The following CDH8 variants were observed in gnomAD, a reference collection of about 807,000 sequenced individuals.
CDH8 encodes the protein cadherin-8.
CDH8 carries 17 observed loss-of-function variants against 68.1 expected under a neutral mutation model. The observed-to-expected ratio is 0.25, with a 90% CI of 0.17 to 0.37. CDH8 has a LOEUF of 0.37. CDH8 is among the 10% of genes least tolerant of loss of function. The pLI is 1.00. For missense variants in CDH8, 763 were observed against 999.3 expected (o/e 0.76, Z 3.19); for synonymous variants, 372 against 365.1 (o/e 1.02, Z -0.21).
chr16:61,777,814 T>C (rs543867544), intron 8 of CDH8, among the ~76,000 whole-genome samples: 66 of 152,256 alleles, frequency 4.3e-4, no homozygotes, highest in Non-Finnish European at 7.4e-5. Flanking sequence ...CTTATCTCCT[T>C]GGACTTGGAA....
chr16:61,773,377 C>A (rs558351033), intron 8 of CDH8, among the ~76,000 whole-genome samples: 11 of 151,998 alleles, frequency 7.2e-5, no homozygotes, highest in Non-Finnish European at 1.3e-4. Flanking sequence ...CTTAAAGGAG[C>A]CATGTCTTGT....
At chr16:61,720,384 A>G (rs1018623077) in intron 9 of CDH8, among the ~76,000 whole-genome samples, 6 of 151,002 alleles carry the variant, frequency 4.0e-5, no homozygotes, top group African/African-American at 1.5e-4. Flanking sequence ...CAGGTTTCCT[A>G]CCTGGCTCCC....
chr16:61,907,762 G>T (rs1435441811), intron 2 of CDH8, among the ~76,000 whole-genome samples: 2 of 151,934 alleles, frequency 1.3e-5, no homozygotes, highest in Admixed American at 6.6e-5. Flanking sequence ...GAGTTAACAG[G>T]GGCCAGACAC....
In CDH8 at chr16:61,653,293, C is replaced by T. The variant is rs571876973; in HGVS notation, c.*315G>A. ...CACCTTTTAATTATGATTTTTTCCT[C>T]TATTTAAACCATTTATCTAAGGATT... On this transcript the variant is annotated 3_prime_UTR_variant, in exon 12 of 12. Coordinates refer to ENST00000577390, the MANE Select transcript of CDH8 (RefSeq NM_001796.5). 220 of 1,175,006 alleles carry T rather than the reference C, an allele frequency of 1.9e-4. 1 individual carries two copies. In the African/African-American group the frequency reaches 3.3e-3, roughly 17 times the overall value. The allele number at this position is 1,175,006 out of a possible 1,614,324, so 72.8% of individuals were successfully genotyped here. A position where few individuals can be genotyped will look rare whatever the true frequency, so the allele number is the denominator to read the frequency against.
At chr16:61,725,105 G>C (rs1959311227) in intron 9 of CDH8, 1 of 150,962 alleles carries the variant, frequency 6.6e-6, no homozygotes, top group African/African-American at 2.4e-5. Context: ...CAGATCATTA[G>C]AGGATAAAAT....
chr16:61,956,713 G>C (rs1036964711), intron 2 of CDH8, among the ~76,000 whole-genome samples: 1 of 151,994 alleles, frequency 6.6e-6, no homozygotes, highest in African/African-American at 2.4e-5. Context: ...GAATAAAAAT[G>C]AGGTAAAATG....
chr16:61,680,102 A>G (rs767079973), intron 10 of CDH8, among the ~76,000 whole-genome samples: 7 of 151,956 alleles, frequency 4.6e-5, no homozygotes, highest in Admixed American at 1.3e-4. Flanking sequence ...CATCAACCAT[A>G]TCCCTGCGTC....
intron 8 of CDH8, among the ~76,000 whole-genome samples, chr16:61,732,613 C>A (rs565020331): frequency 7.0e-4 from 106 of 151,804 alleles, no homozygotes; most frequent in African/African-American, 2.4e-3. Flanking sequence ...CTGCTACACT[C>A]ACAATAAATG....
chr16:61,778,075 G>A (rs1254752784), intron 8 of CDH8, among the ~76,000 whole-genome samples: 1 of 152,002 alleles, frequency 6.6e-6, no homozygotes, highest in Non-Finnish European at 1.5e-5. Context: ...GCTGCAACCT[G>A]TGTGATTTTG....
At chr16:61,830,426 A>G (rs1027756243) in intron 4 of CDH8, among the ~76,000 whole-genome samples, 2 of 151,856 alleles carry the variant, frequency 1.3e-5, no homozygotes, top group Non-Finnish European at 2.9e-5. Flanking sequence ...GGCATTTCTT[A>G]TCCATTTTCA....
intron 4 of CDH8, among the ~76,000 whole-genome samples, chr16:61,832,585 G>C (rs1179360324): frequency 6.6e-6 from 1 of 151,520 alleles, no homozygotes; most frequent in African/African-American, 2.4e-5. Context: ...TTTAAACTAA[G>C]AACTTATTCT....
chr16:61,769,777 C>T (rs191584325), intron 8 of CDH8, among the ~76,000 whole-genome samples: 15 of 151,986 alleles, frequency 9.9e-5, no homozygotes, highest in Admixed American at 8.5e-4. Context: ...TCACAGTAAG[C>T]CAAACTTCAT....
At chr16:62,010,398 A>C (rs1057290583) in intron 2 of CDH8, among the ~76,000 whole-genome samples, 3 of 152,150 alleles carry the variant, frequency 2.0e-5, no homozygotes. Flanking sequence ...ACAGGAACAA[A>C]ATCTGTGATC....
chr16:62,009,015 G>C (rs1219430261), intron 2 of CDH8, among the ~76,000 whole-genome samples: 1 of 142,154 alleles, frequency 7.0e-6, no homozygotes, highest in African/African-American at 2.5e-5. Flanking sequence ...TATACTTTTA[G>C]GTTCCTATAC....
Position 61,694,189 on chromosome 16 carries a change from T to TA in CDH8, c.1654+19651dup, listed in dbSNP as rs556203226. Reference sequence around the variant, plus strand: ...ACTGCATCTTGGCAAAGGGAAATCCTAGATATTGAGAGTTCTTTGGCAGAT... The same window carrying TA: ...ACTGCATCTTGGCAAAGGGAAATCCTAAGATATTGAGAGTTCTTTGGCAGAT... On this transcript the variant is annotated intron_variant, in intron 10 of 11. Coordinates refer to ENST00000577390, the MANE Select transcript of CDH8 (RefSeq NM_001796.5). Among the ~76,000 whole-genome samples, 149 of 152,308 alleles carry TA rather than the reference T, an allele frequency of 9.8e-4. 3 individuals are homozygous for TA. Among genetic ancestry groups the TA allele is most frequent in the South Asian group, 9.3e-3 (45 of 4,828 alleles).
chr16:61,715,565 A>G (rs9924634), intron 9 of CDH8, among the ~76,000 whole-genome samples: 102,135 of 151,334 alleles, frequency 0.67, 34,612 homozygotes, highest in South Asian at 0.68. Context: ...TATTATTATC[A>G]TATTTATTAG....
intron 7 of CDH8, among the ~76,000 whole-genome samples, chr16:61,792,090 C>T (rs1961391553): frequency 1.3e-5 from 2 of 152,018 alleles, no homozygotes; most frequent in South Asian, 4.2e-4. Context: ...GAAGAATGCT[C>T]TTCCTTGGGA....
chr16:61,789,355 T>C lies in CDH8; in HGVS notation c.1405A>G (p.Thr469Ala). ...AAATCCAGGCACTTACTAATTTCAG[T>C]AGCAATGATTGTTATGTTGTGCCAT... ...SVWHNITIIA[T>A]EIRNHSQISR... The change falls in exon 8 of 12, where the codon ACT (threonine) becomes GCT (alanine). Residue 469 changes from threonine (T) to alanine (A), a missense_variant. This residue lies in a region of CDH8 where 397 missense variants were observed against 436.2 expected (regional missense o/e 0.91). Transcript: ENST00000577390. 1 of 1,610,404 alleles carries C rather than the reference T, an allele frequency of 6.2e-7. No homozygotes were observed.
intron 1 of CDH8, chr16:62,035,179 T>C (rs1378468602): frequency 6.6e-6 from 1 of 152,190 alleles, no homozygotes; most frequent in African/African-American, 2.4e-5. Context: ...ATGAACCTCT[T>C]ACGTACTGGC....
Sources: allele counts gnomAD v4.1 joint callset (sites outside exome capture counted in the v4.1 genomes callset), GRCh38; gene constraint gnomAD v4.1.1; regional missense constraint gnomAD v4.1.1; transcripts MANE v1.5; gene names NCBI Gene and HGNC (gene_info 2026-07-23, HGNC 2026-07-21).